Variants in RPTOR observed in about 807,000 individuals in gnomAD.
RPTOR encodes the protein regulatory associated protein of MTOR complex 1.
In RPTOR, 21 loss-of-function variants were observed where a neutral mutation model predicts 169.9. That is an observed-to-expected ratio of 0.12 (90% CI 0.09 to 0.18). The LOEUF is 0.18. Among genes scored for constraint, RPTOR ranks in the 10% least tolerant of loss-of-function variants. The probability of loss-of-function intolerance (pLI) is 1.00; values close to 1 mark genes in which losing one functional copy is unlikely to be tolerated. For missense variants in RPTOR, 1,133 were observed against 1,855.9 expected (o/e 0.61, Z 7.16); for synonymous variants, 732 against 753.2 (o/e 0.97, Z 0.46).
At chr17:80,792,461 G>T (rs927228844) in intron 7 of RPTOR, among the ~76,000 whole-genome samples, 1 of 152,130 alleles carries the variant, frequency 6.6e-6, no homozygotes, top group Non-Finnish European at 1.5e-5. Flanking sequence ...CACTCCCACC[G>T]TGGAAGGTGG....
intron 3 of RPTOR, among the ~76,000 whole-genome samples, chr17:80,653,673 T>C (rs928367631): frequency 6.6e-6 from 1 of 152,152 alleles, no homozygotes; most frequent in African/African-American, 2.4e-5. Context: ...CAGTGCCCGG[T>C]CTCCGCCGTG....
In RPTOR at chr17:80,721,934, A is replaced by G. The variant is rs2066290196; in HGVS notation, c.508-8626A>G. Among the ~76,000 whole-genome samples, 1 of 151,040 alleles carries G rather than the reference A, an allele frequency of 6.6e-6. No individual in the cohort carries two copies. On this transcript the variant is annotated intron_variant, in intron 4 of 33. Coordinates refer to ENST00000306801, the MANE Select transcript of RPTOR (RefSeq NM_020761.3). The surrounding 1 kb of genome is among the most constrained non-coding windows in gnomAD (Gnocchi z 4.7). Reference sequence around the variant, plus strand: ...GTCAGCTGCTTCCTATTCCTTGTGGATTGTGCTGCTGATGGGAACTTCCTT... The same window carrying G: ...GTCAGCTGCTTCCTATTCCTTGTGGGTTGTGCTGCTGATGGGAACTTCCTT...
chr17:80,668,463 A>G (rs1397704368), intron 3 of RPTOR, among the ~76,000 whole-genome samples: 2 of 152,172 alleles, frequency 1.3e-5, no homozygotes, highest in Non-Finnish European at 2.9e-5. Flanking sequence ...TCCCCTCAGC[A>G]TGCACTTGTT....
chr17:80,840,393 T>TCACTCTCACC (rs2067617340), intron 10 of RPTOR, among the ~76,000 whole-genome samples: 1 of 134,916 alleles, frequency 7.4e-6, no homozygotes, highest in African/African-American at 2.9e-5. Context: ...TCACTCTCAC[T>TCACTCTCACC]GCATGGCAGC....
intron 6 of RPTOR, among the ~76,000 whole-genome samples, chr17:80,782,044 G>C (rs537752981): frequency 6.6e-6 from 1 of 152,226 alleles, no homozygotes; most frequent in Non-Finnish European, 1.5e-5. Flanking sequence ...TGATCTGCGC[G>C]AGGCGGCCCT....
chr17:80,742,435 T>G (rs1246082576), intron 5 of RPTOR, among the ~76,000 whole-genome samples: 1 of 139,284 alleles, frequency 7.2e-6, no homozygotes, highest in Non-Finnish European at 1.6e-5. Flanking sequence ...CAATCAAGTT[T>G]AGGAGGAGCA....
intron 3 of RPTOR, among the ~76,000 whole-genome samples, chr17:80,661,950 A>G (rs931112994): frequency 5.9e-5 from 9 of 152,176 alleles, no homozygotes; most frequent in African/African-American, 1.9e-4. Flanking sequence ...GGGCCATTCT[A>G]TTTTCCATTT....
At chr17:80,674,125 C>G (rs953073378) in intron 3 of RPTOR, among the ~76,000 whole-genome samples, 2 of 152,206 alleles carry the variant, frequency 1.3e-5, no homozygotes, top group African/African-American at 4.8e-5. Flanking sequence ...GATGTTTGTT[C>G]TTGCTTCAAT....
intron 1 of RPTOR, among the ~76,000 whole-genome samples, chr17:80,589,003 A>T (rs1046304822): frequency 2.0e-5 from 3 of 152,146 alleles, no homozygotes; most frequent in African/African-American, 7.2e-5. Flanking sequence ...CCCATAATGT[A>T]CCCTAAAAGC....
chr17:80,959,948 A>C lies in RPTOR; in HGVS notation c.3478-130A>C. On this transcript the variant is annotated intron_variant, in intron 29 of 33. Transcript: ENST00000306801. The surrounding 1 kb of genome is among the most constrained non-coding windows in gnomAD (Gnocchi z 6.7). Reference sequence around the variant, plus strand: ...TTGATGCTTCCCTGGATAGAGAGAAAGGCCCCTGCAGCCAGGGAGGGTGAT... The same window carrying C: ...TTGATGCTTCCCTGGATAGAGAGAACGGCCCCTGCAGCCAGGGAGGGTGAT... 1 of 1,097,088 alleles carries C rather than the reference A, an allele frequency of 9.1e-7. No homozygotes were observed. The highest frequency in any genetic ancestry group is 1.4e-5 in the South Asian group (1 of 69,396). The allele number at this position is 1,097,088 out of a possible 1,614,324, so 68.0% of individuals were successfully genotyped here.
At chr17:80,900,995 A>G (rs2068469521) in intron 20 of RPTOR, among the ~76,000 whole-genome samples, 1 of 152,146 alleles carries the variant, frequency 6.6e-6, no homozygotes, top group Admixed American at 6.5e-5. Flanking sequence ...AGGCTACAGA[A>G]AGTTCACAGC....
intron 2 of RPTOR, among the ~76,000 whole-genome samples, chr17:80,626,713 A>G: frequency 6.9e-6 from 1 of 144,494 alleles, no homozygotes. Flanking sequence ...TCAAGTCCAG[A>G]GACTGTTTTT....
intron 1 of RPTOR, among the ~76,000 whole-genome samples, chr17:80,569,956 C>G (rs1334229172): frequency 2.0e-5 from 3 of 152,148 alleles, no homozygotes; most frequent in African/African-American, 7.2e-5. Context: ...TGCCTGGCCT[C>G]CTGGAGTCTC....
At position 80,965,713 on chromosome 17, in the gene RPTOR, C is replaced by A. The variant is rs2069419392; in HGVS notation, c.*1383C>A. 3.0e-5 allele frequency: 7 copies of A among 233,232 alleles called. No homozygotes were observed. The Admixed American group carries it at 3.9e-4, about 13-fold the overall frequency. The allele number at this position is 233,232 out of a possible 1,614,324, so 14.4% of individuals were successfully genotyped here. On this transcript the variant is annotated 3_prime_UTR_variant, in exon 34 of 34. Transcript: ENST00000306801. The stretch of plus-strand genomic sequence containing the variant: ...GAGCATCTTCTGGGTGGATGGAACC[C>A]TGCCTGGTCACATTTGGCCAGAGAC...
At chr17:80,689,063 CTT>C (rs1206241618) in intron 3 of RPTOR, among the ~76,000 whole-genome samples, 6 of 152,220 alleles carry the variant, frequency 3.9e-5, no homozygotes. Context: ...TTGGATATGA[CTT>C]TGCCTAAAAA....
chr17:80,841,366 G>A (rs531240129), intron 10 of RPTOR, among the ~76,000 whole-genome samples: 3 of 117,548 alleles, frequency 2.6e-5, no homozygotes, highest in South Asian at 3.0e-4. Context: ...TCTCTGCACC[G>A]CAGCTCACAC....
chr17:80,688,359 A>G (rs1025147272), intron 3 of RPTOR, among the ~76,000 whole-genome samples: 3 of 152,242 alleles, frequency 2.0e-5, no homozygotes, highest in African/African-American at 7.2e-5. Context: ...TGGTATAAGC[A>G]TGGGCTTTGT....
chr17:80,645,129 C>G (rs1284378956), intron 3 of RPTOR, among the ~76,000 whole-genome samples: 1 of 152,094 alleles, frequency 6.6e-6, no homozygotes, highest in African/African-American at 2.4e-5. Context: ...AGTTGAGATG[C>G]CTCGTGTTTT....
Position 80,965,841 on chromosome 17 carries a change from C to T in RPTOR, c.*1511C>T, listed in dbSNP as rs76606016. The T allele has an allele frequency of 0.038, 8,962 of 233,340 alleles. 653 individuals are homozygous for T. The highest frequency in any genetic ancestry group is 0.16 in the African/African-American group (7,348 of 45,414). The allele number at this position is 233,340 out of a possible 1,614,324, so 14.5% of individuals were successfully genotyped here. A position where few individuals can be genotyped will look rare whatever the true frequency, so the allele number is the denominator to read the frequency against. On this transcript the variant is annotated 3_prime_UTR_variant, in exon 34 of 34. Coordinates refer to ENST00000306801, the MANE Select transcript of RPTOR (RefSeq NM_020761.3). ...CCCTCCGCTGCTCCTTTTTGGAATG[C>T]GAGCTCCCACCAGAAGAAGGTTCCG...
Sources: allele counts gnomAD v4.1 joint callset (sites outside exome capture counted in the v4.1 genomes callset), GRCh38; gene constraint gnomAD v4.1.1; non-coding constraint Gnocchi (gnomAD v3.1); transcripts MANE v1.5; gene names NCBI Gene and HGNC (gene_info 2026-07-23, HGNC 2026-07-21).